The following LRRC4C variants were observed in gnomAD, a reference collection of about 807,000 sequenced individuals.
The protein encoded by LRRC4C is leucine-rich repeat-containing protein 4C.
In LRRC4C, 5 loss-of-function variants were observed where a neutral mutation model predicts 33.6. The ratio of observed to expected loss-of-function variants is 0.15; its 90% CI spans 0.08 to 0.31. The LOEUF (loss-of-function observed/expected upper bound fraction) is 0.31. Ranked by LOEUF, LRRC4C falls within the 10% of genes least tolerant of loss-of-function variation. The pLI is 1.00. For synonymous variants in LRRC4C, 329 were observed against 302.0 expected (o/e 1.09, Z -0.93); for missense variants, 560 against 796.7 (o/e 0.70, Z 3.58).
At position 40,724,959 on chromosome 11, in the gene LRRC4C, C is replaced by T. The variant is rs181844752; in HGVS notation, c.-406-76681G>A. On this transcript the variant is annotated intron_variant, in intron 2 of 6. Transcript: ENST00000528697. Reference sequence around the variant, plus strand: ...GAGGGATATGATAACCAAGACCCCACGAATCTCACATGTCCAGGAAGATTC... The same window carrying T: ...GAGGGATATGATAACCAAGACCCCATGAATCTCACATGTCCAGGAAGATTC... 2.2e-4 allele frequency among the ~76,000 whole-genome samples: 34 copies of T among 152,246 alleles called. No homozygotes were observed. In the East Asian group the frequency reaches 5.0e-3, roughly 23 times the overall value.
intron 1 of LRRC4C, among the ~76,000 whole-genome samples, chr11:41,281,044 C>CTCTCTCTT (rs1949648665): frequency 8.5e-6 from 1 of 117,684 alleles, no homozygotes; most frequent in Non-Finnish European, 1.7e-5. Context: ...TACATATTTT[C>CTCTCTCTT]TCTCTCTCTC....
chr11:40,471,374 C>G (rs575071168), intron 3 of LRRC4C, among the ~76,000 whole-genome samples: 1 of 152,252 alleles, frequency 6.6e-6, no homozygotes, highest in South Asian at 2.1e-4. Context: ...CTTACAAGAG[C>G]TCCTAAAGGA....
intron 1 of LRRC4C, among the ~76,000 whole-genome samples, chr11:40,968,422 G>T (rs747774556): frequency 2.0e-5 from 3 of 152,060 alleles, no homozygotes; most frequent in Admixed American, 2.0e-4. Context: ...TGATGAAGGT[G>T]GATATGCTAT....
intron 2 of LRRC4C, among the ~76,000 whole-genome samples, chr11:40,678,793 A>G (rs1565627774): frequency 6.6e-6 from 1 of 152,132 alleles, no homozygotes; most frequent in Non-Finnish European, 1.5e-5. Flanking sequence ...TTTCCTGTAT[A>G]AATTACCCAG....
intron 1 of LRRC4C, among the ~76,000 whole-genome samples, chr11:41,089,378 A>T (rs188442703): frequency 4.2e-4 from 64 of 152,184 alleles, no homozygotes; most frequent in Non-Finnish European, 7.2e-4. Context: ...TCATGGCACC[A>T]ATGATGCTTT....
At position 41,285,189 on chromosome 11, in the gene LRRC4C, A is replaced by C. The variant is rs577372088; in HGVS notation, c.-496+174242T>G. Among the ~76,000 whole-genome samples, 24 of 152,264 alleles carry C rather than the reference A, an allele frequency of 1.6e-4. No individual in the cohort carries two copies. The South Asian group carries it at 4.8e-3, about 30-fold the overall frequency. On this transcript the variant is annotated intron_variant, in intron 1 of 6. Transcript: ENST00000528697. ...AATAATTCAGTCTATCTTTCTATCC[A>C]CACATCTATCCATCCATCATTCTAT... is the stretch of plus-strand genomic sequence containing the variant.
At chr11:40,962,595 C>A (rs763920542) in intron 1 of LRRC4C, among the ~76,000 whole-genome samples, 2 of 151,688 alleles carry the variant, frequency 1.3e-5, no homozygotes, top group Admixed American at 1.3e-4. Flanking sequence ...ATGATTTTCA[C>A]AAGCGAATCT....
chr11:40,914,810 G>T (rs1276228655), intron 2 of LRRC4C, among the ~76,000 whole-genome samples: 1 of 152,138 alleles, frequency 6.6e-6, no homozygotes, highest in Non-Finnish European at 1.5e-5. Flanking sequence ...CATCGTCTCA[G>T]CCCAAAAATC....
At chr11:40,548,203 C>T (rs1001043191) in intron 3 of LRRC4C, among the ~76,000 whole-genome samples, 5 of 152,020 alleles carry the variant, frequency 3.3e-5, no homozygotes, top group Non-Finnish European at 5.9e-5. Context: ...ATTTCGGGGA[C>T]TGTTGAGGAT....
intron 5 of LRRC4C, among the ~76,000 whole-genome samples, chr11:40,155,194 G>C (rs1272130295): frequency 6.6e-6 from 1 of 151,894 alleles, no homozygotes; most frequent in Non-Finnish European, 1.5e-5. Context: ...CAAAACTCTG[G>C]GATACAGCAA....
chr11:41,079,408 C>G (rs1939395473), intron 1 of LRRC4C, among the ~76,000 whole-genome samples: 1 of 152,120 alleles, frequency 6.6e-6, no homozygotes, highest in African/African-American at 2.4e-5. Context: ...GAAGGATAGG[C>G]ACGTTTGATA....
intron 3 of LRRC4C, among the ~76,000 whole-genome samples, chr11:40,415,112 T>TA (rs60729747): frequency 8.5e-5 from 13 of 152,272 alleles, no homozygotes; most frequent in Non-Finnish European, 1.9e-4. Flanking sequence ...ATGAGAAGTA[T>TA]AAAATCACTG....
chr11:41,328,336 C>T (rs1951186624), intron 1 of LRRC4C, among the ~76,000 whole-genome samples: 3 of 152,112 alleles, frequency 2.0e-5, no homozygotes, highest in Non-Finnish European at 2.9e-5. Context: ...GTTCTTTGTG[C>T]CTCACTGTCT....
chr11:40,906,617 C>T (rs1956428238), intron 2 of LRRC4C, among the ~76,000 whole-genome samples: 1 of 152,048 alleles, frequency 6.6e-6, no homozygotes, highest in Admixed American at 6.6e-5. Flanking sequence ...AATTCTATGA[C>T]TTGCTTTATT....
chr11:40,814,265 G>T (rs1025705469), intron 2 of LRRC4C, among the ~76,000 whole-genome samples: 1 of 152,136 alleles, frequency 6.6e-6, no homozygotes, highest in Non-Finnish European at 1.5e-5. Flanking sequence ...TGACTTCTGT[G>T]TAGCAGCAAT....
At chr11:40,521,313 A>G (rs1011391207) in intron 3 of LRRC4C, among the ~76,000 whole-genome samples, 5 of 152,224 alleles carry the variant, frequency 3.3e-5, no homozygotes, top group African/African-American at 1.2e-4. Context: ...AGTGAAGATA[A>G]TAAGTCATTA....
At chr11:41,434,370 T>C (rs1955351233) in intron 1 of LRRC4C, among the ~76,000 whole-genome samples, 1 of 152,132 alleles carries the variant, frequency 6.6e-6, no homozygotes, top group African/African-American at 2.4e-5. Flanking sequence ...ATTTGAAAAT[T>C]GTATTCAATA....
chr11:41,204,681 T>C (rs1946528320), intron 1 of LRRC4C, among the ~76,000 whole-genome samples: 1 of 152,238 alleles, frequency 6.6e-6, no homozygotes, highest in African/African-American at 2.4e-5. Context: ...CTAAAATATA[T>C]TGAGCTCCTT....
intron 3 of LRRC4C, among the ~76,000 whole-genome samples, chr11:40,405,188 T>C (rs1004828417): frequency 6.6e-6 from 1 of 152,038 alleles, no homozygotes; most frequent in Non-Finnish European, 1.5e-5. Context: ...TCATGCAATA[T>C]TTTTCTTCCT....
Sources: allele counts gnomAD v4.1 joint callset (sites outside exome capture counted in the v4.1 genomes callset), GRCh38; gene constraint gnomAD v4.1.1; transcripts MANE v1.5; gene names NCBI Gene and HGNC (gene_info 2026-07-23, HGNC 2026-07-21).